The following AKR1D1 variants were observed in gnomAD, a reference collection of about 807,000 sequenced individuals.
AKR1D1 encodes the protein delta(4)-3-ketosteroid 5-beta-reductase.
Under a neutral mutation model 42.6 loss-of-function variants are expected in AKR1D1, and 32 were observed. The observed-to-expected ratio is 0.75, with a 90% CI of 0.57 to 1.01. The LOEUF is 1.01. Ranked by LOEUF, AKR1D1 falls within the 50% of genes least tolerant of loss-of-function variation. The pLI is 0.00. For synonymous variants in AKR1D1, 123 were observed against 135.5 expected, an observed-to-expected ratio of 0.91 and a Z score of 0.64; for missense variants, 364 against 402.2, an observed-to-expected ratio of 0.91 and a Z score of 0.81.
rs910765362 is a variant in AKR1D1, at chr7:138,091,982, T to G, written c.378+98T>G. ...TCTGCACCATGAGCCAATAGCTATG[T>G]GCATGAAGCTCTGCACCATGAGCCA... On this transcript the variant is annotated intron_variant, in intron 3 of 8. Transcript: ENST00000242375. 2.6e-5 allele frequency: 17 copies of G among 666,540 alleles called. No individual in the cohort carries two copies. The South Asian group carries it at 3.0e-4, about 12-fold the overall frequency. The allele number at this position is 666,540 out of a possible 1,614,324, so 41.3% of individuals were successfully genotyped here.
At chr7:138,115,583 GA>G (rs1304845766) in intron 8 of AKR1D1, among the ~76,000 whole-genome samples, 1 of 152,058 alleles carries the variant, frequency 6.6e-6, no homozygotes, top group African/African-American at 2.4e-5. Flanking sequence ...CTCTTACCAG[GA>G]AATAACTAGA....
intron 3 of AKR1D1, among the ~76,000 whole-genome samples, chr7:138,096,355 A>G (rs1794183609): frequency 6.6e-6 from 1 of 152,194 alleles, no homozygotes; most frequent in Non-Finnish European, 1.5e-5. Flanking sequence ...AGAGTTCAAG[A>G]CCAAAGTACC....
In AKR1D1 at chr7:138,097,973, A is replaced by C. The variant is rs868347120; in HGVS notation, c.456+30A>C. On this transcript the variant is annotated intron_variant, in intron 4 of 8. Transcript: ENST00000242375. ...GTTCAAATGTGCTTCTTATTTTAAA[A>C]GACGATATTTTTAAAACTGTGATCT... 4 of 1,516,712 alleles carry C rather than the reference A, an allele frequency of 2.6e-6. No homozygotes were observed. The Middle Eastern group carries it at 6.8e-4, about 260-fold the overall frequency. The allele number at this position is 1,516,712 out of a possible 1,614,324, so 94.0% of individuals were successfully genotyped here. A position where few individuals can be genotyped will look rare whatever the true frequency, so the allele number is the denominator to read the frequency against.
At chr7:138,115,905 G>C (rs375693576) in intron 8 of AKR1D1, among the ~76,000 whole-genome samples, 2 of 152,092 alleles carry the variant, frequency 1.3e-5, no homozygotes, top group East Asian at 1.9e-4. Context: ...CTCTCAACAC[G>C]CAGGAGGTCT....
In AKR1D1 at chr7:138,091,801, C is replaced by T. The variant is rs867480105; in HGVS notation, c.295C>T (p.Arg99Cys). ...WATNHVPEMV[R>C]PTLERTLRVL... ...TACAAATCATGTCCCAGAGATGGTC[C>T]GCCCAACCCTGGAGAGGACACTCAG... Residue 99 changes from arginine to cysteine, a missense_variant, in exon 3 of 9, where the codon CGC (arginine) becomes TGC (cysteine). Arg to Cys is a radical substitution (Grantham distance 180, BLOSUM62 -3). Coordinates refer to ENST00000242375, the MANE Select transcript of AKR1D1 (RefSeq NM_005989.4). 17 of 1,613,760 alleles carry T rather than the reference C, an allele frequency of 1.1e-5. No individual in the cohort carries two copies. The highest frequency in any genetic ancestry group is 2.2e-5 in the East Asian group (1 of 44,886).
At chr7:138,099,601 GA>G (rs1794250429) in intron 4 of AKR1D1, among the ~76,000 whole-genome samples, 1 of 151,518 alleles carries the variant, frequency 6.6e-6, no homozygotes, top group Non-Finnish European at 1.5e-5. Flanking sequence ...AAAAGGACAA[GA>G]ATTTTTTAAA....
At chr7:138,081,070 T>G (rs6467734) in intron 1 of AKR1D1, among the ~76,000 whole-genome samples, 88,400 of 152,092 alleles carry the variant, frequency 0.58, 25,846 homozygotes, top group Middle Eastern at 0.63. Context: ...TGGGCCCTGC[T>G]GCAAAACATA....
intron 3 of AKR1D1, among the ~76,000 whole-genome samples, chr7:138,094,717 G>A (rs1050937354): frequency 2.6e-5 from 4 of 152,150 alleles, no homozygotes; most frequent in African/African-American, 4.8e-5. Flanking sequence ...ACAGGGTCTC[G>A]CTATGTTGAC....
chr7:138,082,417 G>C (rs1803077472), intron 1 of AKR1D1, among the ~76,000 whole-genome samples: 1 of 151,588 alleles, frequency 6.6e-6, no homozygotes, highest in Non-Finnish European at 1.5e-5. Flanking sequence ...ACCCAGGCTG[G>C]ACTGCAGTGG....
intron 8 of AKR1D1, among the ~76,000 whole-genome samples, chr7:138,116,116 G>T (rs1432211768): frequency 6.6e-6 from 1 of 152,030 alleles, no homozygotes; most frequent in African/African-American, 2.4e-5. Context: ...GGAGTTTGAG[G>T]CTGCAGTGAG....
chr7:138,114,125 G>T (rs1168027150), intron 8 of AKR1D1, among the ~76,000 whole-genome samples: 1 of 152,140 alleles, frequency 6.6e-6, no homozygotes, highest in Non-Finnish European at 1.5e-5. Context: ...AAATGAAAGT[G>T]ATGCACAAAT....
At position 138,099,834 on chromosome 7, in the gene AKR1D1, C is replaced by T. The variant is rs1794254000; in HGVS notation, c.456+1891C>T. Among the ~76,000 whole-genome samples the T allele has an allele frequency of 2.8e-5, 4 of 145,300 alleles. No individual in the cohort carries two copies. The South Asian group carries it at 8.8e-4, about 32-fold the overall frequency. On this transcript the variant is annotated intron_variant, in intron 4 of 8. Coordinates refer to ENST00000242375, the MANE Select transcript of AKR1D1 (RefSeq NM_005989.4). ...CTGGGAAACATAGTGAGACACCCAT[C>T]TCTACAAAAAAGAAAAAAAAAGGGG...
At chr7:138,082,182 C>G (rs1260441429) in intron 1 of AKR1D1, among the ~76,000 whole-genome samples, 1 of 152,134 alleles carries the variant, frequency 6.6e-6, no homozygotes, top group African/African-American at 2.4e-5. Context: ...CTTGCTATGT[C>G]CGATATGCTA....
intron 4 of AKR1D1, among the ~76,000 whole-genome samples, 186 bp from the exon 5 acceptor site, chr7:138,105,121 T>G (rs1794394028): frequency 6.6e-6 from 1 of 152,190 alleles, no homozygotes; most frequent in African/African-American, 2.4e-5. Context: ...GGCATACACA[T>G]GTTTTCCAAA....
At chr7:138,095,683 G>T (rs1013243333) in intron 3 of AKR1D1, among the ~76,000 whole-genome samples, 12 of 152,138 alleles carry the variant, frequency 7.9e-5, no homozygotes, top group Non-Finnish European at 1.3e-4. Flanking sequence ...CCGCCATCAT[G>T]CCCGGCTAAT....
At chr7:138,116,204 A>C (rs1585745891) in intron 8 of AKR1D1, among the ~76,000 whole-genome samples, 1 of 152,170 alleles carries the variant, frequency 6.6e-6, no homozygotes. Context: ...AAAAAATGCT[A>C]ATCAGCAGAG....
At chr7:138,104,274 A>C (rs892409290) in intron 4 of AKR1D1, among the ~76,000 whole-genome samples, 2 of 152,224 alleles carry the variant, frequency 1.3e-5, no homozygotes, top group Non-Finnish European at 2.9e-5. Context: ...AAGAAGAGCT[A>C]GACCTAATTT....
At chr7:138,114,007 C>T (rs1244151491) in intron 8 of AKR1D1, among the ~76,000 whole-genome samples, 5 of 152,136 alleles carry the variant, frequency 3.3e-5, no homozygotes, top group South Asian at 2.1e-4. Flanking sequence ...TTTGTGACTT[C>T]GGTGAAGGCA....
chr7:138,110,976 T>C (rs1794525473), intron 7 of AKR1D1, among the ~76,000 whole-genome samples: 1 of 152,214 alleles, frequency 6.6e-6, no homozygotes, highest in Non-Finnish European at 1.5e-5. Flanking sequence ...CTTCCTCTCA[T>C]AATTCTTAGT....
Sources: allele counts gnomAD v4.1 joint callset (sites outside exome capture counted in the v4.1 genomes callset), GRCh38; gene constraint gnomAD v4.1.1; transcripts MANE v1.5; gene names NCBI Gene and HGNC (gene_info 2026-07-23, HGNC 2026-07-21).